The following NT5C2 variants were observed in gnomAD, a reference collection of about 807,000 sequenced individuals.
NT5C2 encodes the protein cytosolic purine 5'-nucleotidase.
Under a neutral mutation model 76.1 loss-of-function variants are expected in NT5C2, and 58 were observed. That is an observed-to-expected ratio of 0.76 (90% CI 0.62 to 0.95). The LOEUF (loss-of-function observed/expected upper bound fraction) is 0.95. Ranked by LOEUF, NT5C2 falls within the 40% of genes least tolerant of loss-of-function variation. The probability of loss-of-function intolerance (pLI) is 0.00; values close to 1 mark genes in which losing one functional copy is unlikely to be tolerated. For synonymous variants in NT5C2, 229 were observed against 237.4 expected (o/e 0.96, Z 0.32); for missense variants, 478 against 690.3 (o/e 0.69, Z 3.45).
At chr10:103,102,345 T>C (rs183899420) in intron 6 of NT5C2, among the ~76,000 whole-genome samples, 9 of 152,186 alleles carry the variant, frequency 5.9e-5, no homozygotes, top group African/African-American at 1.7e-4. Context: ...TGCTGGAGGA[T>C]AGAAGGCTAC....
intron 3 of NT5C2, among the ~76,000 whole-genome samples, chr10:103,152,999 A>T (rs1298379664): frequency 1.3e-5 from 2 of 152,354 alleles, no homozygotes; most frequent in East Asian, 3.9e-4. Flanking sequence ...AATCTTGATA[A>T]ATACATTCTG....
At chr10:103,109,648 C>G (rs983342170) in intron 4 of NT5C2, among the ~76,000 whole-genome samples, 9 of 152,102 alleles carry the variant, frequency 5.9e-5, no homozygotes, top group African/African-American at 1.9e-4. Context: ...GCTGGATATG[C>G]CTTAAGAGTG....
At chr10:103,116,225 G>A (rs898714387) in intron 4 of NT5C2, among the ~76,000 whole-genome samples, 6 of 152,102 alleles carry the variant, frequency 3.9e-5, no homozygotes, top group Non-Finnish European at 7.4e-5. Flanking sequence ...TACAAAAGTA[G>A]AGGAAATATG....
At chr10:103,152,716 T>C (rs2082615740) in intron 3 of NT5C2, among the ~76,000 whole-genome samples, 1 of 152,152 alleles carries the variant, frequency 6.6e-6, no homozygotes, top group Non-Finnish European at 1.5e-5. Flanking sequence ...TCACTTATTA[T>C]AGTGGTCACA....
chr10:103,154,637 T>C (rs2083008867), intron 3 of NT5C2, among the ~76,000 whole-genome samples: 1 of 152,168 alleles, frequency 6.6e-6, no homozygotes, highest in Admixed American at 6.5e-5. Context: ...GGTAGGGATG[T>C]TGTCTGTCAC....
intron 2 of NT5C2, among the ~76,000 whole-genome samples, chr10:103,176,356 C>G (rs2089945338): frequency 6.6e-6 from 1 of 152,178 alleles, no homozygotes; most frequent in Admixed American, 6.5e-5. Flanking sequence ...ACCTCCCTCC[C>G]TGTCCCCACC....
chr10:103,192,742 C>T (rs79780963), intron 1 of NT5C2, among the ~76,000 whole-genome samples: 13,439 of 152,250 alleles, frequency 0.088, 840 homozygotes, highest in East Asian at 0.28. Flanking sequence ...GACCGAGGAG[C>T]TCTGGGGGCG....
intron 3 of NT5C2, among the ~76,000 whole-genome samples, chr10:103,148,464 G>T (rs2081878866): frequency 6.6e-6 from 1 of 152,130 alleles, no homozygotes; most frequent in Non-Finnish European, 1.5e-5. Flanking sequence ...AGCCGGGCAT[G>T]GTGGCAGGTG....
intron 4 of NT5C2, among the ~76,000 whole-genome samples, chr10:103,114,189 C>A (rs1216114591): frequency 3.3e-5 from 5 of 152,008 alleles, no homozygotes. Context: ...CCAAGGTGGG[C>A]GGATCACGAG....
chr10:103,183,801 CT>C (rs2091641736), intron 1 of NT5C2, among the ~76,000 whole-genome samples: 1 of 151,850 alleles, frequency 6.6e-6, no homozygotes, highest in African/African-American at 2.4e-5. Flanking sequence ...ACTGTACCCC[CT>C]AAATCTATAA....
chr10:103,130,722 TA>T (rs1199077300), intron 4 of NT5C2, among the ~76,000 whole-genome samples: 1 of 151,940 alleles, frequency 6.6e-6, no homozygotes, highest in Non-Finnish European at 1.5e-5. Context: ...AAGTTTTAAA[TA>T]ATTATTTACC....
intron 3 of NT5C2, among the ~76,000 whole-genome samples, chr10:103,143,723 A>T (rs1228200132): frequency 6.8e-6 from 1 of 146,542 alleles, no homozygotes; most frequent in Admixed American, 7.1e-5. Flanking sequence ...TGGGAGGCCA[A>T]GGTGGGAGGA....
At chr10:103,146,933 C>T (rs2081571990) in intron 3 of NT5C2, among the ~76,000 whole-genome samples, 1 of 152,154 alleles carries the variant, frequency 6.6e-6, no homozygotes, top group Admixed American at 6.6e-5. Flanking sequence ...TGTTGCTAAC[C>T]CATGACATGA....
At chr10:103,149,582 T>G (rs2066322) in intron 3 of NT5C2, among the ~76,000 whole-genome samples, 47,177 of 152,008 alleles carry the variant, frequency 0.31, 7,451 homozygotes, top group Middle Eastern at 0.36. Context: ...CCAATCCCTT[T>G]TTTCCTATTT....
chr10:103,114,995 A>AT (rs1361975364), intron 4 of NT5C2, among the ~76,000 whole-genome samples: 1 of 152,254 alleles, frequency 6.6e-6, no homozygotes, highest in Non-Finnish European at 1.5e-5. Flanking sequence ...CTCATTGGCC[A>AT]TTATCTGCAT....
chr10:103,150,647 C>A (rs2082240313), intron 3 of NT5C2, among the ~76,000 whole-genome samples: 1 of 152,182 alleles, frequency 6.6e-6, no homozygotes, highest in South Asian at 2.1e-4. Context: ...GTTACCATTG[C>A]TCCACAGTCA....
rs1387217540 is a variant in NT5C2 at position 103,105,709 on chromosome 10, CTTA to C, written c.383_385del (p.Ile128del). ...GCTAAAGGTTCTCTGTACTCACCCC[CTTA>C]TAAAGTTAAATCCATGTGCACAGAC... On this transcript the variant is annotated inframe_deletion, in exon 6 of 19. Transcript: ENST00000404739. 1.2e-6 allele frequency: 2 copies of C among 1,606,082 alleles called. No individual in the cohort carries two copies. The highest frequency in any genetic ancestry group is 1.7e-6 in the Non-Finnish European group (2 of 1,173,094).
chr10:103,150,621 T>C (rs958547515), intron 3 of NT5C2, among the ~76,000 whole-genome samples: 3 of 152,206 alleles, frequency 2.0e-5, no homozygotes, highest in African/African-American at 4.8e-5. Flanking sequence ...TGCACTCTTA[T>C]CAGCAATGCA....
Position 103,096,084 on chromosome 10 carries a change from G to A in NT5C2, c.772-104C>T. 2.7e-5 allele frequency: 21 copies of A among 776,992 alleles called. No individual in the cohort carries two copies. In the South Asian group the frequency reaches 3.2e-4, roughly 12 times the overall value. The allele number at this position is 776,992 out of a possible 1,614,324, so 48.1% of individuals were successfully genotyped here. A position where few individuals can be genotyped will look rare whatever the true frequency, so the allele number is the denominator to read the frequency against. ...CACAAAACATGTCTTTTTCAACATAGGACTCACCACATTCTTGTTTCCTCT... is the reference window on the plus strand; with the variant it reads ...CACAAAACATGTCTTTTTCAACATAAGACTCACCACATTCTTGTTTCCTCT... On this transcript the variant is annotated intron_variant, in intron 11 of 18. Transcript: ENST00000404739.
Sources: gnomAD v4.1 joint callset for allele counts (sites outside exome capture counted in the v4.1 genomes callset) on GRCh38, gnomAD v4.1.1 for gene constraint, MANE v1.5 for transcripts, NCBI Gene and HGNC (gene_info 2026-07-23, HGNC 2026-07-21) for gene names.